GLG1: variants seen among roughly 807,000 people sequenced by gnomAD.
GLG1 encodes Golgi apparatus protein 1.
In GLG1, 38 loss-of-function variants were observed where a neutral mutation model predicts 160.5. That is an observed-to-expected ratio of 0.24 (90% CI 0.18 to 0.31). The LOEUF (loss-of-function observed/expected upper bound fraction) is 0.31. Ranked by LOEUF, GLG1 falls within the 10% of genes least tolerant of loss-of-function variation. The pLI is 1.00. For synonymous variants in GLG1, 644 were observed against 543.4 expected (o/e 1.19, Z -2.57); for missense variants, 1,373 against 1,505.2 (o/e 0.91, Z 1.45).
chr16:74,527,375 GAGTA>G (rs1411536334), intron 2 of GLG1, among the ~76,000 whole-genome samples: 3 of 149,270 alleles, frequency 2.0e-5, no homozygotes, highest in African/African-American at 7.4e-5. Flanking sequence ...TTGGCCTCCT[GAGTA>G]GCTGGGATTA....
At chr16:74,501,832 T>C (rs2143447419) in intron 4 of GLG1, among the ~76,000 whole-genome samples, 1 of 152,340 alleles carries the variant, frequency 6.6e-6, no homozygotes, top group East Asian at 1.9e-4. Flanking sequence ...TTTGAGAGTC[T>C]GCTGGGAAGG....
intron 7 of GLG1, among the ~76,000 whole-genome samples, chr16:74,491,426 G>C (rs544683714): frequency 1.3e-5 from 2 of 152,220 alleles, no homozygotes; most frequent in East Asian, 1.9e-4. Context: ...TCACTGTTCT[G>C]CATGAAACAG....
intron 2 of GLG1, among the ~76,000 whole-genome samples, chr16:74,518,489 C>A (rs1292238289): frequency 6.6e-6 from 1 of 152,140 alleles, no homozygotes; most frequent in African/African-American, 2.4e-5. Flanking sequence ...GGAAAACTGG[C>A]TAGCCATATG....
At position 74,563,258 on chromosome 16, in the gene GLG1, A is replaced by T. The variant is rs973278734; in HGVS notation, c.439-31105T>A. 7 of 152,174 alleles carry T rather than the reference A, an allele frequency of 4.6e-5. No individual in the cohort carries two copies. The East Asian group carries it at 1.3e-3, about 29-fold the overall frequency. 9.4% of individuals were successfully genotyped at this position (152,174 alleles called of 1,614,324 possible). ...TTAATGGATGAAAGATGACAGTCCA[A>T]TGTGGGTTAGGAATTTTAATGGTTC... is the stretch of plus-strand genomic sequence containing the variant. On this transcript the variant is annotated intron_variant, in intron 1 of 25. Coordinates refer to ENST00000422840, the MANE Select transcript of GLG1 (RefSeq NM_001145667.2).
At chr16:74,490,189 G>A (rs780183692) in intron 8 of GLG1, among the ~76,000 whole-genome samples, 34 of 152,074 alleles carry the variant, frequency 2.2e-4, no homozygotes, top group Non-Finnish European at 2.1e-4. Context: ...TAATCAACAT[G>A]GACAACAGGA....
intron 1 of GLG1, among the ~76,000 whole-genome samples, chr16:74,555,657 C>T (rs2018331433): frequency 6.6e-6 from 1 of 151,734 alleles, no homozygotes; most frequent in Non-Finnish European, 1.5e-5. Context: ...CCATTGTGCT[C>T]CAGCCTGGGC....
chr16:74,593,496 G>A (rs532046609), intron 1 of GLG1, among the ~76,000 whole-genome samples: 370 of 140,330 alleles, frequency 2.6e-3, no homozygotes, highest in African/African-American at 9.2e-3. Context: ...GTGCAATAAC[G>A]CGATCTCCGC....
At chr16:74,579,380 C>G (rs769918912) in intron 1 of GLG1, among the ~76,000 whole-genome samples, 1 of 151,808 alleles carries the variant, frequency 6.6e-6, no homozygotes, top group Non-Finnish European at 1.5e-5. Flanking sequence ...TGTGCCAGTG[C>G]ACTCCAGGCT....
In GLG1 at chr16:74,532,507, G is replaced by C. The variant is rs548034353; in HGVS notation, c.439-354C>G. Among the ~76,000 whole-genome samples the C allele has an allele frequency of 4.6e-5, 7 of 152,116 alleles. No homozygotes were observed. The East Asian group carries it at 1.2e-3, about 25-fold the overall frequency. ...CTTATTATAGAGTGCAGAGAAAGTC[G>C]CTCAATTTTTATTTATTTATTTTTT... On this transcript the variant is annotated intron_variant, in intron 1 of 25. Transcript: ENST00000422840.
chr16:74,564,667 C>A lies in GLG1; in HGVS notation c.439-32514G>T, dbSNP rs189930402. ...AGTAACACTCACACCCAAGTGAGAA[C>A]CTGACCAAAAAGGCGAAGCTGTTAA... On this transcript the variant is annotated intron_variant, in intron 1 of 25. Coordinates refer to ENST00000422840, the MANE Select transcript of GLG1 (RefSeq NM_001145667.2). 1.8e-3 allele frequency among the ~76,000 whole-genome samples: 273 copies of A among 152,302 alleles called. 1 individual carries two copies. The highest frequency in any genetic ancestry group is 6.4e-3 in the African/African-American group (267 of 41,560).
chr16:74,528,476 TGTTGA>T (rs969498634), intron 2 of GLG1, among the ~76,000 whole-genome samples: 3 of 152,030 alleles, frequency 2.0e-5, no homozygotes, highest in Admixed American at 6.6e-5. Context: ...TCTGCCTGCT[TGTTGA>T]GTTTTCTTTT....
At chr16:74,457,735 TC>T in intron 24 of GLG1, 138 bp downstream of exon 24, 1 of 680,002 alleles carries the variant, frequency 1.5e-6, no homozygotes, top group Non-Finnish European at 2.4e-6. Flanking sequence ...ATCACCCAGG[TC>T]CCCAGGGAAT....
intron 1 of GLG1, among the ~76,000 whole-genome samples, chr16:74,548,148 C>T (rs1049737349): frequency 3.3e-5 from 5 of 152,178 alleles, no homozygotes; most frequent in Non-Finnish European, 7.3e-5. Flanking sequence ...AAGAACTTGA[C>T]TCACAACGAG....
chr16:74,463,538 C>A (rs949368157), intron 19 of GLG1, 59 bp from the exon 20 acceptor site: 3 of 1,562,718 alleles, frequency 1.9e-6, no homozygotes, highest in Admixed American at 3.6e-5. Context: ...ACTCCATCTG[C>A]GACCACTTTT....
At chr16:74,470,192 C>T (rs1023169140) in intron 15 of GLG1, 119 bp from the exon 16 acceptor site, 2 of 710,878 alleles carry the variant, frequency 2.8e-6, no homozygotes, top group Admixed American at 1.9e-5. Context: ...CATGGCTTGA[C>T]CCACACGTGA....
chr16:74,533,881 A>G (rs1271974884), intron 1 of GLG1, among the ~76,000 whole-genome samples: 2 of 152,262 alleles, frequency 1.3e-5, no homozygotes, highest in African/African-American at 4.8e-5. Context: ...CAATTTAGGT[A>G]GCAAAACATG....
chr16:74,517,345 T>C (rs906432029), intron 2 of GLG1, among the ~76,000 whole-genome samples: 21 of 152,160 alleles, frequency 1.4e-4, no homozygotes, highest in Admixed American at 1.4e-3. Context: ...AAAAAGCTTA[T>C]CCACCACCAT....
rs575060323 is a variant in GLG1 at position 74,580,748 on chromosome 16, C to T, written c.438+25909G>A. ...CCTATGAAAAGGAAGAAAATATTTG[C>T]AGGTCATCTATCTGATGAGAGGTTA... On this transcript the variant is annotated intron_variant, in intron 1 of 25. Transcript: ENST00000422840. Among the ~76,000 whole-genome samples, 7 of 152,188 alleles carry T rather than the reference C, an allele frequency of 4.6e-5. No homozygotes were observed. In the South Asian group the frequency reaches 1.4e-3, roughly 32 times the overall value.
At chr16:74,564,188 GGA>G (rs2018587740) in intron 1 of GLG1, among the ~76,000 whole-genome samples, 1 of 152,174 alleles carries the variant, frequency 6.6e-6, no homozygotes, top group Admixed American at 6.5e-5. Context: ...CAAAATGCTG[GGA>G]TTAACAGGTG....
Sources: allele counts gnomAD v4.1 joint callset (sites outside exome capture counted in the v4.1 genomes callset), GRCh38; gene constraint gnomAD v4.1.1; transcripts MANE v1.5; gene names NCBI Gene and HGNC (gene_info 2026-07-23, HGNC 2026-07-21).